Variants in TMEM108 observed in about 807,000 individuals in gnomAD.
The protein encoded by TMEM108 is transmembrane protein 108, also known as cancer/testis antigen 124.
Under a neutral mutation model 35.1 loss-of-function variants are expected in TMEM108, and 12 were observed. That is an observed-to-expected ratio of 0.34 (90% CI 0.22 to 0.55). The LOEUF is 0.55. Ranked by LOEUF, TMEM108 falls within the 20% of genes least tolerant of loss-of-function variation. The probability of loss-of-function intolerance (pLI) is 0.89; values close to 1 mark genes in which losing one functional copy is unlikely to be tolerated. For synonymous variants in TMEM108, 287 were observed against 308.6 expected, an observed-to-expected ratio of 0.93 and a Z score of 0.73; for missense variants, 680 against 753.3, an observed-to-expected ratio of 0.90 and a Z score of 1.14.
intron 4 of TMEM108, chr3:133,387,371 G>A: frequency 1.0e-6 from 1 of 985,488 alleles, no homozygotes; most frequent in South Asian, 4.7e-5. Context: ...ATGAAATGGT[G>A]TTTGAGAAGC....
intron 2 of TMEM108, among the ~76,000 whole-genome samples, chr3:133,200,480 T>C (rs563405618): frequency 1.3e-5 from 2 of 152,286 alleles, no homozygotes; most frequent in African/African-American, 4.8e-5. Flanking sequence ...ACAGTGGCCA[T>C]GATGTCCATG....
intron 4 of TMEM108, among the ~76,000 whole-genome samples, chr3:133,383,929 C>T (rs2073079126): frequency 6.6e-6 from 1 of 152,206 alleles, no homozygotes; most frequent in Non-Finnish European, 1.5e-5. Context: ...AGCTCCATGT[C>T]CTCAGTCATG....
In TMEM108 at chr3:133,309,682, CTTTTTTTTTTTTTTTTTT is replaced by C. The variant is rs148272827; in HGVS notation, c.41-70051_41-70034del. On this transcript the variant is annotated intron_variant, in intron 3 of 5. Coordinates refer to ENST00000321871, the MANE Select transcript of TMEM108 (RefSeq NM_023943.4). ...TAGTTATGCGGGTTTGAGTGAGTTT[CTTTTTTTTTTTTTTTTTT>C]TTTTTTTTTTTTTTTTTTGAGACGG... Among the ~76,000 whole-genome samples, 37 of 69,190 alleles carry C rather than the reference CTTTTTTTTTTTTTTTTTT, an allele frequency of 5.3e-4. 1 individual carries two copies. In the East Asian group the frequency reaches 6.9e-3, roughly 13 times the overall value. The allele number at this position is 69,190 out of a possible 152,430, so 45.4% of individuals were successfully genotyped here. A position where few individuals can be genotyped will look rare whatever the true frequency, so the allele number is the denominator to read the frequency against.
At chr3:133,360,004 A>G (rs1456391814) in intron 3 of TMEM108, among the ~76,000 whole-genome samples, 1 of 121,816 alleles carries the variant, frequency 8.2e-6, no homozygotes. Flanking sequence ...ACTACTCAAC[A>G]GTTAAAAAAA....
At chr3:133,204,026 G>A (rs1945713043) in intron 2 of TMEM108, among the ~76,000 whole-genome samples, 1 of 151,982 alleles carries the variant, frequency 6.6e-6, no homozygotes, top group African/African-American at 2.4e-5. Flanking sequence ...GTTTTGGGAG[G>A]GTGTATGTGG....
At chr3:133,360,793 G>A (rs1349683966) in intron 3 of TMEM108, among the ~76,000 whole-genome samples, 1 of 152,190 alleles carries the variant, frequency 6.6e-6, no homozygotes. Context: ...AGACCTCACT[G>A]CAGCCTTGAA....
intron 2 of TMEM108, among the ~76,000 whole-genome samples, chr3:133,114,400 G>A (rs990678315): frequency 2.0e-5 from 3 of 152,178 alleles, no homozygotes; most frequent in South Asian, 2.1e-4. Context: ...AGAAGCAACA[G>A]TGACTAGCCA....
At chr3:133,042,831 C>G (rs951131112) in intron 1 of TMEM108, among the ~76,000 whole-genome samples, 7 of 152,260 alleles carry the variant, frequency 4.6e-5, no homozygotes, top group African/African-American at 1.7e-4. Context: ...TATAGTTTTC[C>G]CTTCTCCAAT....
intron 2 of TMEM108, among the ~76,000 whole-genome samples, chr3:133,114,375 T>TG (rs1459467634): frequency 2.0e-5 from 3 of 152,162 alleles, no homozygotes; most frequent in Non-Finnish European, 4.4e-5. Context: ...CATCTTACAA[T>TG]GAGGTGAGGC....
At chr3:133,177,375 T>C (rs1945250425) in intron 2 of TMEM108, among the ~76,000 whole-genome samples, 1 of 152,190 alleles carries the variant, frequency 6.6e-6, no homozygotes, top group African/African-American at 2.4e-5. Context: ...AAGAGAATTT[T>C]AGACCAATAT....
chr3:133,283,980 AC>A (rs35573043), intron 3 of TMEM108, among the ~76,000 whole-genome samples: 22,155 of 152,164 alleles, frequency 0.15, 1,691 homozygotes, highest in South Asian at 0.22. Context: ...CTCAGTCGTC[AC>A]ATGTGCCTAG....
intron 3 of TMEM108, among the ~76,000 whole-genome samples, chr3:133,282,325 G>A (rs1946926342): frequency 6.6e-6 from 1 of 152,166 alleles, no homozygotes. Flanking sequence ...AATCAAAAGG[G>A]ACTCTAAAAC....
chr3:133,094,797 T>C (rs1943993087), intron 2 of TMEM108, among the ~76,000 whole-genome samples: 1 of 152,166 alleles, frequency 6.6e-6, no homozygotes, highest in Admixed American at 6.5e-5. Flanking sequence ...TTCCACCTAC[T>C]AACTTCCATA....
chr3:133,290,934 T>C (rs1194109387), intron 3 of TMEM108, among the ~76,000 whole-genome samples: 2 of 152,216 alleles, frequency 1.3e-5, no homozygotes, highest in Non-Finnish European at 2.9e-5. Context: ...AGTCATGTTA[T>C]GATTTCAGAT....
intron 3 of TMEM108, among the ~76,000 whole-genome samples, chr3:133,276,253 T>C (rs1380610770): frequency 6.6e-6 from 1 of 152,234 alleles, no homozygotes; most frequent in African/African-American, 2.4e-5. Context: ...ACCTCTACCA[T>C]GTTAAAAGCC....
chr3:133,386,512 C>T, intron 4 of TMEM108: 1 of 1,534,650 alleles, frequency 6.5e-7, no homozygotes, highest in African/African-American at 1.4e-5. Flanking sequence ...CCCTCTTCTT[C>T]CTGTCACACA....
At chr3:133,115,983 T>C (rs1423600782) in intron 2 of TMEM108, among the ~76,000 whole-genome samples, 2 of 152,212 alleles carry the variant, frequency 1.3e-5, no homozygotes, top group East Asian at 3.8e-4. Context: ...AAGCAATACA[T>C]GTTATTAGTA....
At chr3:133,179,197 C>T (rs1481183211) in intron 2 of TMEM108, among the ~76,000 whole-genome samples, 2,918 of 151,654 alleles carry the variant, frequency 0.019, 36 homozygotes, top group Non-Finnish European at 0.031. Flanking sequence ...AACACTTTTA[C>T]ACTGTTGGTG....
chr3:133,385,907 A>G (rs1402513831), intron 4 of TMEM108, among the ~76,000 whole-genome samples: 1 of 152,196 alleles, frequency 6.6e-6, no homozygotes, highest in African/African-American at 2.4e-5. Flanking sequence ...CATATAAGAG[A>G]ATTATTGGGG....
Sources: gnomAD v4.1 joint callset for allele counts (sites outside exome capture counted in the v4.1 genomes callset) on GRCh38, gnomAD v4.1.1 for gene constraint, MANE v1.5 for transcripts, NCBI Gene and HGNC (gene_info 2026-07-23, HGNC 2026-07-21) for gene names.